The following RBMS3 variants were observed in gnomAD, a reference collection of about 807,000 sequenced individuals.
RBMS3 encodes the protein RNA-binding motif, single-stranded-interacting protein 3.
A neutral mutation model predicts 66.8 loss-of-function variants in RBMS3; 27 were observed. The observed-to-expected ratio is 0.40, with a 90% CI of 0.30 to 0.56. The LOEUF is 0.56. Among genes scored for constraint, RBMS3 ranks in the 20% least tolerant of loss-of-function variants. The pLI, the probability that RBMS3 is intolerant of heterozygous loss-of-function variation, is 0.40. For synonymous variants in RBMS3, 188 were observed against 183.0 expected (o/e 1.03, Z -0.22); for missense variants, 513 against 549.5 (o/e 0.93, Z 0.66).
chr3:29,885,052 A>G (rs1202782392), intron 8 of RBMS3, among the ~76,000 whole-genome samples: 1 of 151,936 alleles, frequency 6.6e-6, no homozygotes, highest in Middle Eastern at 3.2e-3. Context: ...TGGGATATTG[A>G]AAGTATTTAA....
At chr3:29,357,294 C>T (rs971493694) in intron 1 of RBMS3, among the ~76,000 whole-genome samples, 11 of 151,914 alleles carry the variant, frequency 7.2e-5, no homozygotes, top group Non-Finnish European at 1.0e-4. Context: ...TGAGAACACG[C>T]GGTGTTTGGT....
chr3:29,536,345 C>G (rs904798473), intron 3 of RBMS3, among the ~76,000 whole-genome samples: 15 of 152,048 alleles, frequency 9.9e-5, no homozygotes, highest in African/African-American at 3.6e-4. Context: ...TAATAACATG[C>G]TAAATCAGCA....
At chr3:29,811,159 T>A (rs533289000) in intron 6 of RBMS3, among the ~76,000 whole-genome samples, 5 of 152,192 alleles carry the variant, frequency 3.3e-5, no homozygotes, top group African/African-American at 1.2e-4. Context: ...CATGAGGGCA[T>A]TTTTTTCTCT....
At chr3:29,504,459 T>A (rs2044103370) in intron 3 of RBMS3, among the ~76,000 whole-genome samples, 1 of 152,138 alleles carries the variant, frequency 6.6e-6, no homozygotes, top group African/African-American at 2.4e-5. Context: ...GATTTATTTA[T>A]TTATAAAATT....
intron 10 of RBMS3, among the ~76,000 whole-genome samples, chr3:29,920,600 A>AT (rs200528157): frequency 0.021 from 3,249 of 152,228 alleles, 124 homozygotes; most frequent in African/African-American, 0.075. Context: ...ATATCCTTGG[A>AT]ATATAATTTT....
intron 4 of RBMS3, among the ~76,000 whole-genome samples, chr3:29,671,032 G>A (rs13098283): frequency 1.4e-3 from 210 of 152,272 alleles, no homozygotes; most frequent in Non-Finnish European, 2.4e-3. Flanking sequence ...ACAAGGCCGA[G>A]TGCCCCTCTG....
rs538878154 is a variant in RBMS3 at position 30,006,899 on chromosome 3, A to G, written c.*3037A>G. 1.3e-5 allele frequency: 2 copies of G among 152,138 alleles called. No individual in the cohort carries two copies. The highest frequency in any genetic ancestry group is 4.1e-4 in the South Asian group (2 of 4,830). 9.4% of individuals were successfully genotyped at this position (152,138 alleles called of 1,614,324 possible). Reference sequence around the variant, plus strand: ...TGTACATTCAGAAATATTTTTTTCAACTATGAAATTTCAATATCAATTTTT... The same window carrying G: ...TGTACATTCAGAAATATTTTTTTCAGCTATGAAATTTCAATATCAATTTTT... On this transcript the variant is annotated 3_prime_UTR_variant, in exon 15 of 15. Transcript: ENST00000383767.
intron 2 of RBMS3, 194 bp downstream of exon 2, chr3:29,435,109 G>A: frequency 9.9e-6 from 6 of 603,642 alleles, no homozygotes; most frequent in African/African-American, 1.9e-5. Flanking sequence ...TTTTGTTGTT[G>A]AGTGGAAGTT....
At chr3:29,647,899 A>T (rs1213603438) in intron 4 of RBMS3, among the ~76,000 whole-genome samples, 1 of 152,200 alleles carries the variant, frequency 6.6e-6, no homozygotes, top group Non-Finnish European at 1.5e-5. Context: ...AGAATTGCAT[A>T]AGAATGGTTA....
chr3:29,773,197 C>T (rs975728470), intron 6 of RBMS3, among the ~76,000 whole-genome samples: 1 of 151,954 alleles, frequency 6.6e-6, no homozygotes, highest in Non-Finnish European at 1.5e-5. Flanking sequence ...TGCTCACACC[C>T]CTACTCATTG....
intron 12 of RBMS3, among the ~76,000 whole-genome samples, chr3:29,960,343 T>A (rs1255408447): frequency 2.0e-5 from 3 of 152,202 alleles, no homozygotes; most frequent in African/African-American, 7.2e-5. Context: ...TGGGCTCCCA[T>A]GGCCTTGGGC....
intron 6 of RBMS3, among the ~76,000 whole-genome samples, chr3:29,779,396 C>T (rs2056542505): frequency 6.6e-6 from 1 of 151,004 alleles, no homozygotes; most frequent in Non-Finnish European, 1.5e-5. Flanking sequence ...AATGTCAGAC[C>T]CATATTTTCT....
Position 29,542,898 on chromosome 3 carries a change from C to G in RBMS3, c.308-44216C>G, listed in dbSNP as rs377677526. On this transcript the variant is annotated intron_variant, in intron 3 of 14. Coordinates refer to ENST00000383767, the MANE Select transcript of RBMS3 (RefSeq NM_001003793.3). Reference sequence around the variant, plus strand: ...AACCTGTAAAATACTGTTCACCATCCTTGGCAAAGGTAAAATTTAATAGTT... The same window carrying G: ...AACCTGTAAAATACTGTTCACCATCGTTGGCAAAGGTAAAATTTAATAGTT... Among the ~76,000 whole-genome samples the G allele has an allele frequency of 1.3e-4, 20 of 152,264 alleles. No homozygotes were observed. In the South Asian group the frequency reaches 2.1e-3, roughly 16 times the overall value.
chr3:29,866,494 C>T (rs1178417942), intron 6 of RBMS3, among the ~76,000 whole-genome samples: 2 of 152,184 alleles, frequency 1.3e-5, no homozygotes, highest in Non-Finnish European at 2.9e-5. Context: ...ATTTGTACCA[C>T]TGACAGTGAT....
In RBMS3 at chr3:29,492,178, G is replaced by C. The variant is rs149321275; in HGVS notation, c.307+3679G>C. Among the ~76,000 whole-genome samples, 128 of 152,234 alleles carry C rather than the reference G, an allele frequency of 8.4e-4. 1 individual carries two copies. Among genetic ancestry groups the C allele is most frequent in the African/African-American group, 2.9e-3 (121 of 41,526 alleles). ...CACAACCTTCATCAAGCACATCATG[G>C]GGGAGGTGCCCTGTAAGTCAGCAAA... On this transcript the variant is annotated intron_variant, in intron 3 of 14. Coordinates refer to ENST00000383767, the MANE Select transcript of RBMS3 (RefSeq NM_001003793.3).
chr3:29,606,624 G>A (rs2048327641), intron 4 of RBMS3, among the ~76,000 whole-genome samples: 1 of 151,762 alleles, frequency 6.6e-6, no homozygotes, highest in Non-Finnish European at 1.5e-5. Flanking sequence ...ACATATGACT[G>A]TATTTTATAT....
At chr3:29,660,402 A>G (rs1576459901) in intron 4 of RBMS3, among the ~76,000 whole-genome samples, 1 of 152,088 alleles carries the variant, frequency 6.6e-6, no homozygotes, top group Non-Finnish European at 1.5e-5. Context: ...TCATCCTTTC[A>G]CTTTCTATCT....
chr3:29,656,211 T>C (rs1225041959), intron 4 of RBMS3, among the ~76,000 whole-genome samples: 1 of 152,188 alleles, frequency 6.6e-6, no homozygotes, highest in Admixed American at 6.5e-5. Context: ...ACAACGATGT[T>C]CTAGGCCCTC....
chr3:29,951,137 G>A (rs572975922), intron 12 of RBMS3, among the ~76,000 whole-genome samples: 1 of 151,928 alleles, frequency 6.6e-6, no homozygotes, highest in South Asian at 2.1e-4. Flanking sequence ...CAACTTGGAA[G>A]TACAAAGCTT....
Sources: allele counts gnomAD v4.1 joint callset (sites outside exome capture counted in the v4.1 genomes callset), GRCh38; gene constraint gnomAD v4.1.1; transcripts MANE v1.5; gene names NCBI Gene and HGNC (gene_info 2026-07-23, HGNC 2026-07-21).